The following CYLC1 variants were observed in gnomAD, a reference collection of about 807,000 sequenced individuals.
CYLC1 encodes the protein cylicin 1, also known as cylicin-1.
In CYLC1, 2 loss-of-function variants were observed where a neutral mutation model predicts 31.6. The observed-to-expected ratio is 0.06, with a 90% CI of 0.03 to 0.20. The LOEUF is 0.20. CYLC1 is among the 10% of genes least tolerant of loss of function. The pLI is 1.00. For missense variants in CYLC1, 595 were observed against 424.1 expected, an observed-to-expected ratio of 1.40 and a Z score of -3.54; for synonymous variants, 185 against 153.0, an observed-to-expected ratio of 1.21 and a Z score of -1.54.
rs767796942 is a variant in CYLC1, at chrX:83,872,982, A to G, written c.274A>G (p.Thr92Ala). Residue 92 changes from threonine to alanine, a missense_variant, in exon 4 of 5, where the codon ACA becomes GCA. Transcript: ENST00000329312. The stretch of plus-strand genomic sequence containing the variant: ...AATTTTGCAATGGCCACCCATTTAC[A>G]CAGCTGCCAGGGAACAGACTCCATT... ...RKILQWPPIYTAAREQTPFRH... is the reference protein window; with the variant it reads ...RKILQWPPIYAAAREQTPFRH... The G allele has an allele frequency of 2.6e-5, 31 of 1,203,856 alleles. No homozygotes were observed. In the Admixed American group the frequency reaches 5.1e-4, roughly 20 times the overall value.
At chrX:83,865,278 A>G (rs1240389456) in intron 1 of CYLC1, among the ~76,000 whole-genome samples, 1 of 111,092 alleles carries the variant, frequency 9.0e-6, no homozygotes, top group Non-Finnish European at 1.9e-5. Flanking sequence ...ACACACACAC[A>G]CACGCACCAA....
At chrX:83,877,192 G>GAC (rs2031775369) in intron 4 of CYLC1, among the ~76,000 whole-genome samples, 2 of 110,933 alleles carry the variant, frequency 1.8e-5, no homozygotes, top group African/African-American at 3.3e-5. Flanking sequence ...CCATCAGCAA[G>GAC]ACTTGTTTAC....
intron 2 of CYLC1, 150 bp from the exon 3 acceptor site, chrX:83,871,302 G>T (rs188958439): frequency 6.1e-6 from 2 of 329,349 alleles, no homozygotes; most frequent in African/African-American, 5.6e-5. Context: ...TGATTGCTAT[G>T]CAAATAAACT....
At chrX:83,865,405 G>A (rs1398728271) in intron 1 of CYLC1, among the ~76,000 whole-genome samples, 4 of 111,452 alleles carry the variant, frequency 3.6e-5, no homozygotes, top group Non-Finnish European at 5.7e-5. Flanking sequence ...CTCAACATCA[G>A]TTCTGCCACC....
At chrX:83,867,060 C>G (rs1045452651) in intron 1 of CYLC1, among the ~76,000 whole-genome samples, 1 of 111,567 alleles carries the variant, frequency 9.0e-6, no homozygotes, top group Non-Finnish European at 1.9e-5. Flanking sequence ...GCTGTTTCTG[C>G]CACTATACAG....
At chrX:83,876,900 G>A (rs920658914) in intron 4 of CYLC1, among the ~76,000 whole-genome samples, 4 of 110,629 alleles carry the variant, frequency 3.6e-5, no homozygotes, top group African/African-American at 9.9e-5. Flanking sequence ...GCGTTAAATG[G>A]CTTTAAATAT....
chrX:83,862,354 A>AC (rs1328455342), intron 1 of CYLC1, among the ~76,000 whole-genome samples: 1 of 92,058 alleles, frequency 1.1e-5, no homozygotes, highest in African/African-American at 4.2e-5. Flanking sequence ...ACACGGTGAA[A>AC]CCCCGTCTCT....
At chrX:83,884,087 G>T (rs1003086710) in intron 4 of CYLC1, among the ~76,000 whole-genome samples, 3 of 111,442 alleles carry the variant, frequency 2.7e-5, no homozygotes, top group Non-Finnish European at 3.8e-5. Context: ...AACTGAAGGA[G>T]AAAACAGTTT....
intron 1 of CYLC1, among the ~76,000 whole-genome samples, chrX:83,866,219 T>C (rs1409051753): frequency 3.6e-5 from 4 of 111,686 alleles, no homozygotes; most frequent in Non-Finnish European, 7.5e-5. Flanking sequence ...TGAACATGGA[T>C]AGAATAACAA....
At chrX:83,864,584 T>A (rs1173293664) in intron 1 of CYLC1, 1 of 149,081 alleles carries the variant, frequency 6.7e-6, no homozygotes, top group Non-Finnish European at 1.3e-5. Context: ...AAAAATTGAA[T>A]GCATATATAT....
At position 83,861,179 on chromosome X, in the gene CYLC1, G is replaced by C; in HGVS notation, c.-4G>C. The C allele has an allele frequency of 8.3e-7, 1 of 1,200,575 alleles. No homozygotes were observed. The highest frequency in any genetic ancestry group is 1.1e-6 in the Non-Finnish European group (1 of 888,236). ...CAAGTCCAGGCAACGTACAGGCAGGGGAAATGTCTCTTCCAAGGTTGTAAG... is the reference window on the plus strand; with the variant it reads ...CAAGTCCAGGCAACGTACAGGCAGGCGAAATGTCTCTTCCAAGGTTGTAAG... On this transcript the variant is annotated 5_prime_UTR_variant, in exon 1 of 5. Transcript: ENST00000329312.
intron 2 of CYLC1, 58 bp from the exon 3 acceptor site, chrX:83,871,394 C>A: frequency 2.4e-6 from 2 of 826,251 alleles, no homozygotes; most frequent in Non-Finnish European, 3.6e-6. Context: ...AAGAATAATT[C>A]AGGTCTGTGG....
intron 4 of CYLC1, among the ~76,000 whole-genome samples, chrX:83,886,337 G>A (rs1237410485): frequency 9.0e-6 from 1 of 110,829 alleles, no homozygotes; most frequent in Admixed American, 9.7e-5. Context: ...TGTGCATACT[G>A]CTAGACTATA....
At position 83,873,736 on chromosome X, in the gene CYLC1, A is replaced by T. The variant is rs1317435699; in HGVS notation, c.1028A>T (p.Glu343Val). ...GCTGAATCTGGAGACTCAAAGGATG[A>T]AAGGAAAGATACAAAGAAGGATAAG... ...TDAESGDSKDERKDTKKDKKK... is the reference protein window; with the variant it reads ...TDAESGDSKDVRKDTKKDKKK... Residue 343 changes from glutamate to valine, a missense_variant, in exon 4 of 5, where the codon GAA becomes GTA. Coordinates refer to ENST00000329312, the MANE Select transcript of CYLC1 (RefSeq NM_021118.3). The T allele has an allele frequency of 3.4e-6, 4 of 1,192,113 alleles. No individual in the cohort carries two copies. The highest frequency in any genetic ancestry group is 4.5e-6 in the Non-Finnish European group (4 of 882,712).
At position 83,874,020 on chromosome X, in the gene CYLC1, A is replaced by C; in HGVS notation, c.1312A>C (p.Lys438Gln). 1 of 1,195,901 alleles carries C rather than the reference A, an allele frequency of 8.4e-7. No individual in the cohort carries two copies. Among genetic ancestry groups the C allele is most frequent in the Non-Finnish European group, 1.1e-6 (1 of 887,696 alleles). Reference sequence around the variant, plus strand: ...AAAGACAGATAATAAAAAGTCTGTCAAGAATGATGAAGAGTCTACTGATGC... The same window carrying C: ...AAAGACAGATAATAAAAAGTCTGTCCAGAATGATGAAGAGTCTACTGATGC... ...DSKTDNKKSVKNDEESTDADS... is the reference protein window; with the variant it reads ...DSKTDNKKSVQNDEESTDADS... The change falls in exon 4 of 5, where the codon AAG becomes CAG. Residue 438 changes from lysine (K) to glutamine (Q), a missense_variant. Physicochemically the swap from Lys to Gln is moderately conservative, Grantham distance 53. Transcript: ENST00000329312.
intron 1 of CYLC1, among the ~76,000 whole-genome samples, chrX:83,862,419 T>G (rs2031525517): frequency 9.3e-6 from 1 of 107,485 alleles, no homozygotes; most frequent in Non-Finnish European, 1.9e-5. Context: ...GGCAGGCGCC[T>G]GTAGTCCCAG....
Position 83,873,462 on chromosome X carries a change from G to A in CYLC1, c.754G>A (p.Gly252Arg), listed in dbSNP as rs146830604. The A allele has an allele frequency of 1.0e-3, 1,247 of 1,195,148 alleles. 4 individuals carry two copies. In the Middle Eastern group the frequency reaches 0.011, roughly 11 times the overall value. Reference sequence around the variant, plus strand: ...AAATGTTGATTTCCTCATGTTAGTGGGACAGTCTGATGATGAATCCATAAA... The same window carrying A: ...AAATGTTGATTTCCTCATGTTAGTGAGACAGTCTGATGATGAATCCATAAA... ...SLNVDFLMLV[G>R]QSDDESINFD... The change falls in exon 4 of 5, where the codon GGA becomes AGA. Residue 252 changes from glycine to arginine, a missense_variant. Physicochemically the swap from Gly to Arg is moderately radical, Grantham distance 125. Transcript: ENST00000329312.
intron 3 of CYLC1, among the ~76,000 whole-genome samples, chrX:83,871,831 C>T (rs1387029505): frequency 9.0e-6 from 1 of 110,613 alleles, no homozygotes; most frequent in Non-Finnish European, 1.9e-5. Context: ...ACATGTTTAC[C>T]AGCTGCAAAA....
At chrX:83,882,774 CT>C (rs1419509876) in intron 4 of CYLC1, among the ~76,000 whole-genome samples, 2 of 111,230 alleles carry the variant, frequency 1.8e-5, no homozygotes, top group African/African-American at 6.5e-5. Context: ...ACATTTCAAA[CT>C]GTATATCCCT....
Sources: gnomAD v4.1 joint callset for allele counts (sites outside exome capture counted in the v4.1 genomes callset) on GRCh38, gnomAD v4.1.1 for gene constraint, MANE v1.5 for transcripts, NCBI Gene and HGNC (gene_info 2026-07-23, HGNC 2026-07-21) for gene names.